Variants in ZNF66 observed in about 807,000 individuals in gnomAD.
The protein encoded by ZNF66 is zinc finger protein 66, also known as putative zinc finger protein 66.
ZNF66 carries 32 observed loss-of-function variants against 35.2 expected under a neutral mutation model. The ratio of observed to expected loss-of-function variants is 0.91; its 90% CI spans 0.69 to 1.22. The LOEUF (loss-of-function observed/expected upper bound fraction) is 1.22, where lower values mean the gene tolerates loss of function less well. Among genes scored for constraint, ZNF66 ranks in the 50% most tolerant of loss-of-function variants. The pLI is 0.00. For synonymous variants in ZNF66, 231 were observed against 181.3 expected (o/e 1.27, Z -2.20); for missense variants, 666 against 543.1 (o/e 1.23, Z -2.25).
rs755648354 is a variant in ZNF66, at chr19:20,805,833, G to A, written c.233G>A (p.Cys78Tyr). 3 of 564,534 alleles carry A rather than the reference G, an allele frequency of 5.3e-6. No individual in the cohort carries two copies. Among genetic ancestry groups the A allele is most frequent in the South Asian group, 3.3e-5 (1 of 30,040 alleles). 35.0% of individuals were successfully genotyped at this position (564,534 alleles called of 1,614,324 possible). A position where few individuals can be genotyped will look rare whatever the true frequency, so the allele number is the denominator to read the frequency against. The change falls in exon 4 of 4, where the codon TGT becomes TAT. Residue 78 changes from cysteine (C) to tyrosine (Y), a missense_variant. Physicochemically the swap from Cys to Tyr is radical, Grantham distance 194. Coordinates refer to ENST00000344519, the MANE Select transcript of ZNF66 (RefSeq NM_001355197.2). ...TTTTTATGGTTTCTTTCAGTTTTGT[G>A]TTCTCATTTTAACCAAGACCTTTGG... ...HEMVANPSVL[C>Y]SHFNQDLWPE...
chr19:20,792,631 C>T lies in ZNF66; in HGVS notation c.123C>T (p.Val41=), dbSNP rs775723027. Residue 41 remains valine (V), a synonymous_variant, in exon 2 of 4, where the codon GTC becomes GTT. Coordinates refer to ENST00000344519, the MANE Select transcript of ZNF66 (RefSeq NM_001355197.2). ...TGTTAGAGAACTACAGAAACCTGGT[C>T]TTTCTTGGTGAGAAAAACTTTAATA... ...DVMLENYRNL[V]FLGIVVSKPD... The T allele has an allele frequency of 1.1e-5, 15 of 1,419,800 alleles. No homozygotes were observed. Among genetic ancestry groups the T allele is most frequent in the Middle Eastern group, 1.8e-4 (1 of 5,614 alleles). The allele number at this position is 1,419,800 out of a possible 1,614,324, so 88.0% of individuals were successfully genotyped here.
At chr19:20,793,914 C>A in intron 3 of ZNF66, 36 bp downstream of exon 3, 2 of 955,904 alleles carry the variant, frequency 2.1e-6, no homozygotes, top group South Asian at 1.9e-5. Flanking sequence ...ACAGACAACA[C>A]AGTAAGAAGT....
chr19:20,790,935 T>C lies in ZNF66; in HGVS notation c.4-1577T>C, dbSNP rs1407083454. ...ATGATAGTCAAACGTGTCTGAAAAG[T>C]ATTTCTTCCCTGTATCCCAGAGCCT... On this transcript the variant is annotated intron_variant, in intron 1 of 3. Coordinates refer to ENST00000344519, the MANE Select transcript of ZNF66 (RefSeq NM_001355197.2). Among the ~76,000 whole-genome samples, 4 of 152,288 alleles carry C rather than the reference T, an allele frequency of 2.6e-5. No individual in the cohort carries two copies. In the East Asian group the frequency reaches 7.7e-4, roughly 29 times the overall value.
chr19:20,793,308 TTTTCTTTTCTTTTCTTTTCTTTTC>T (rs1229118490), intron 2 of ZNF66, among the ~76,000 whole-genome samples: 126 of 59,640 alleles, frequency 2.1e-3, no homozygotes, highest in African/African-American at 5.9e-3. Flanking sequence ...TTTTCTTTTC[TTTTCTTTTCTTTTCTTTTCTTTTC>T]TTTTTTTTTT....
intron 1 of ZNF66, among the ~76,000 whole-genome samples, chr19:20,781,342 AT>A (rs1971243389): frequency 6.6e-6 from 1 of 152,146 alleles, no homozygotes; most frequent in Non-Finnish European, 1.5e-5. Context: ...CGTACTAAGC[AT>A]AGCACCAAAC....
chr19:20,787,115 A>G (rs1330494048), intron 1 of ZNF66, among the ~76,000 whole-genome samples: 1 of 152,158 alleles, frequency 6.6e-6, no homozygotes, highest in East Asian at 1.9e-4. Flanking sequence ...ATTAATAATC[A>G]ATGCTATTTC....
At chr19:20,778,782 C>CA (rs561812056) in intron 1 of ZNF66, among the ~76,000 whole-genome samples, 17,577 of 85,136 alleles carry the variant, frequency 0.21, 1,224 homozygotes, top group South Asian at 0.3. Context: ...GACTTCGTCT[C>CA]AAAAAAAAAA....
chr19:20,807,309 T>C lies in ZNF66; in HGVS notation c.1709T>C (p.Val570Ala), dbSNP rs534456209. 5 of 649,442 alleles carry C rather than the reference T, an allele frequency of 7.7e-6. No homozygotes were observed. Among genetic ancestry groups the C allele is most frequent in the African/African-American group, 3.6e-5 (2 of 55,064 alleles). 40.2% of individuals were successfully genotyped at this position (649,442 alleles called of 1,614,324 possible). The change falls in exon 4 of 4, where the codon GTG becomes GCG. Residue 570 changes from valine (V) to alanine (A), a missense_variant. Coordinates refer to ENST00000344519, the MANE Select transcript of ZNF66 (RefSeq NM_001355197.2). The stretch of plus-strand genomic sequence containing the variant: ...GGGAATCCCTACAAATGTGAAAATG[T>C]GGCAAAGCCTTAGACACTCCTCTAC... ...MGGNPYKCEN[V>A]AKP
In ZNF66 at chr19:20,797,189, A is replaced by ATTTTTTT. The variant is rs142052913; in HGVS notation, c.226+3341_226+3347dup. 4.3e-3 allele frequency among the ~76,000 whole-genome samples: 197 copies of ATTTTTTT among 45,476 alleles called. 46 individuals carry two copies. Among genetic ancestry groups the ATTTTTTT allele is most frequent in the Non-Finnish European group, 6.4e-3 (155 of 24,164 alleles). The allele number at this position is 45,476 out of a possible 152,430, so 29.8% of individuals were successfully genotyped here. A position where few individuals can be genotyped will look rare whatever the true frequency, so the allele number is the denominator to read the frequency against. On this transcript the variant is annotated intron_variant, in intron 3 of 3. Transcript: ENST00000344519. Reference sequence around the variant, plus strand: ...ATAATGCATCAATGTTGCATGCTAGATTTTTTTTTTTTTTTTTTTTTTTTT... The same window carrying ATTTTTTT: ...ATAATGCATCAATGTTGCATGCTAGATTTTTTTTTTTTTTTTTTTTTTTTTTTTTTTT...
chr19:20,784,302 G>A (rs1482235727), intron 1 of ZNF66, among the ~76,000 whole-genome samples: 1 of 151,982 alleles, frequency 6.6e-6, no homozygotes, highest in Non-Finnish European at 1.5e-5. Flanking sequence ...ATACTATGAC[G>A]TTCATTAAAA....
Position 20,792,608 on chromosome 19 carries a change from T to C in ZNF66, c.100T>C (p.Leu34=). ...GCGGAATTTATATAGGGATGTGATG[T>C]TAGAGAACTACAGAAACCTGGTCTT... ...AQRNLYRDVM[L]ENYRNLVFLG... Residue 34 remains leucine, a synonymous_variant, in exon 2 of 4, where the codon TTA becomes CTA. Transcript: ENST00000344519. 1 of 1,471,942 alleles carries C rather than the reference T, an allele frequency of 6.8e-7. No individual in the cohort carries two copies. Among genetic ancestry groups the C allele is most frequent in the Non-Finnish European group, 9.5e-7 (1 of 1,057,348 alleles). 91.2% of individuals were successfully genotyped at this position (1,471,942 alleles called of 1,614,324 possible).
At chr19:20,804,800 G>A (rs1326921816) in intron 3 of ZNF66, among the ~76,000 whole-genome samples, 2 of 152,108 alleles carry the variant, frequency 1.3e-5, no homozygotes, top group African/African-American at 4.8e-5. Flanking sequence ...GATGTGTCTT[G>A]TCTAAAATTT....
Position 20,808,491 on chromosome 19 carries a change from T to C in ZNF66, c.*1169T>C, listed in dbSNP as rs688855. 0.65 allele frequency among the ~76,000 whole-genome samples: 98,642 copies of C among 151,762 alleles called. 32,201 individuals carry two copies. Among genetic ancestry groups the C allele is most frequent in the Non-Finnish European group, 0.67 (45,608 of 67,918 alleles). The stretch of plus-strand genomic sequence containing the variant: ...ACTTCACACGGCTGGGTACTCCTCA[T>C]ATAAAACTTCCAGAGGACCGATCAG... On this transcript the variant is annotated 3_prime_UTR_variant, in exon 4 of 4. Coordinates refer to ENST00000344519, the MANE Select transcript of ZNF66 (RefSeq NM_001355197.2).
At chr19:20,782,403 C>T (rs1971253355) in intron 1 of ZNF66, among the ~76,000 whole-genome samples, 1 of 152,114 alleles carries the variant, frequency 6.6e-6, no homozygotes, top group African/African-American at 2.4e-5. Flanking sequence ...TTTGAGATTT[C>T]TGGGTCAAAT....
At chr19:20,786,086 T>C (rs2144895815) in intron 1 of ZNF66, among the ~76,000 whole-genome samples, 1 of 152,312 alleles carries the variant, frequency 6.6e-6, no homozygotes, top group South Asian at 2.1e-4. Flanking sequence ...CTTTTAATTA[T>C]TGTTTCCAAA....
chr19:20,801,915 T>C (rs997748873), intron 3 of ZNF66, among the ~76,000 whole-genome samples: 3 of 152,102 alleles, frequency 2.0e-5, no homozygotes, highest in Admixed American at 6.6e-5. Context: ...ATTTCAAAGA[T>C]TACATTTCAT....
chr19:20,804,650 T>C (rs1355657907), intron 3 of ZNF66, among the ~76,000 whole-genome samples: 1 of 152,158 alleles, frequency 6.6e-6, no homozygotes, highest in Non-Finnish European at 1.5e-5. Context: ...TATTTTGTAT[T>C]CATTGTAATC....
intron 1 of ZNF66, among the ~76,000 whole-genome samples, chr19:20,788,960 A>G (rs536651789): frequency 1.2e-4 from 19 of 152,144 alleles, no homozygotes; most frequent in African/African-American, 4.3e-4. Context: ...CTGAGGTAGA[A>G]GAATCACTTG....
In ZNF66 at chr19:20,793,774, A is replaced by G. The variant is rs770415707; in HGVS notation, c.131-9A>G. ...GCAAGATTCATGTTATTTATTTTTG[A>G]TAAAACAGGTATTGTTGTCTCAAAG... On this transcript the variant is annotated splice_polypyrimidine_tract_variant and intron_variant, in intron 2 of 3. Transcript: ENST00000344519. 3.2e-6 allele frequency: 3 copies of G among 943,540 alleles called. No homozygotes were observed. Among genetic ancestry groups the G allele is most frequent in the African/African-American group, 3.4e-5 (2 of 58,610 alleles). The allele number at this position is 943,540 out of a possible 1,614,324, so 58.4% of individuals were successfully genotyped here.
Sources: gnomAD v4.1 joint callset for allele counts (sites outside exome capture counted in the v4.1 genomes callset) on GRCh38, gnomAD v4.1.1 for gene constraint, MANE v1.5 for transcripts, NCBI Gene and HGNC (gene_info 2026-07-23, HGNC 2026-07-21) for gene names.